The following LRP1B variants were observed in gnomAD, a reference collection of about 807,000 sequenced individuals.
LRP1B encodes the protein low-density lipoprotein receptor-related protein 1B.
LRP1B carries 217 observed loss-of-function variants against 556.6 expected under a neutral mutation model. The ratio of observed to expected loss-of-function variants is 0.39; its 90% CI spans 0.35 to 0.44. The LOEUF (loss-of-function observed/expected upper bound fraction) is 0.44, where lower values mean the gene tolerates loss of function less well. LRP1B is among the 20% of genes least tolerant of loss of function. The pLI, the probability that LRP1B is intolerant of heterozygous loss-of-function variation, is 1.00. For missense variants in LRP1B, 5,053 were observed against 5,620.8 expected, an observed-to-expected ratio of 0.90 and a Z score of 3.23; for synonymous variants, 2,047 against 1,865.8, an observed-to-expected ratio of 1.10 and a Z score of -2.50.
chr2:141,784,733 C>T (rs762396063), intron 2 of LRP1B, among the ~76,000 whole-genome samples: 3 of 151,860 alleles, frequency 2.0e-5, no homozygotes, highest in Non-Finnish European at 4.4e-5. Context: ...GCAATTTCCC[C>T]TCCCGTCTCT....
intron 1 of LRP1B, among the ~76,000 whole-genome samples, chr2:141,892,058 C>A (rs940344182): frequency 6.6e-6 from 1 of 151,770 alleles, no homozygotes; most frequent in Non-Finnish European, 1.5e-5. Flanking sequence ...ATGTGTTAAG[C>A]ATAACTATCT....
intron 49 of LRP1B, among the ~76,000 whole-genome samples, chr2:140,519,215 A>G (rs1558938767): frequency 6.6e-6 from 1 of 152,196 alleles, no homozygotes; most frequent in Non-Finnish European, 1.5e-5. Flanking sequence ...AAACTATACT[A>G]CAAGGCCACA....
intron 1 of LRP1B, among the ~76,000 whole-genome samples, chr2:141,952,105 GT>G (rs750724283): frequency 1.4e-4 from 21 of 150,872 alleles, no homozygotes; most frequent in Non-Finnish European, 2.8e-4. Context: ...GCGGTGTTTG[GT>G]TTTCTGTCCT....
chr2:140,692,666 G>C (rs1158366456), intron 41 of LRP1B, among the ~76,000 whole-genome samples: 1 of 152,022 alleles, frequency 6.6e-6, no homozygotes, highest in Non-Finnish European at 1.5e-5. Context: ...CTTCATCTCT[G>C]TAATGGTATG....
intron 1 of LRP1B, among the ~76,000 whole-genome samples, chr2:142,061,767 C>T (rs1325445166): frequency 2.0e-5 from 3 of 151,956 alleles, no homozygotes; most frequent in African/African-American, 7.2e-5. Context: ...GACTTCAGAA[C>T]ATAAAAACTT....
intron 3 of LRP1B, among the ~76,000 whole-genome samples, chr2:141,338,361 T>A (rs544129982): frequency 1.4e-4 from 22 of 152,144 alleles, no homozygotes; most frequent in Non-Finnish European, 2.5e-4. Flanking sequence ...GGAGTACCCT[T>A]TCCCGCTTCT....
At chr2:140,958,231 T>A (rs975215064) in intron 18 of LRP1B, among the ~76,000 whole-genome samples, 12 of 151,644 alleles carry the variant, frequency 7.9e-5, no homozygotes, top group South Asian at 2.1e-4. Flanking sequence ...TAGATATTTT[T>A]AAAAAATCTA....
In LRP1B at chr2:141,364,342, A is replaced by G. The variant is rs150251800; in HGVS notation, c.344-109701T>C. ...GATTAAATCACATACACAGTGGAATAATTAAATCACGCACACACACGTAGT... is the reference window on the plus strand; with the variant it reads ...GATTAAATCACATACACAGTGGAATGATTAAATCACGCACACACACGTAGT... On this transcript the variant is annotated intron_variant, in intron 3 of 90. Coordinates refer to ENST00000389484, the MANE Select transcript of LRP1B (RefSeq NM_018557.3). Among the ~76,000 whole-genome samples the G allele has an allele frequency of 4.4e-3, 670 of 151,626 alleles. 7 individuals are homozygous for G. Among genetic ancestry groups the G allele is most frequent in the African/African-American group, 0.016 (649 of 41,240 alleles).
Position 141,049,091 on chromosome 2 carries a change from C to T in LRP1B, c.1684G>A (p.Asp562Asn), listed in dbSNP as rs1698962938. ...ATGTAATTGGTTTCTGCGTGAAAGTCTAAAGCACGAGGGTTTACCAGATTT... is the reference window on the plus strand; with the variant it reads ...ATGTAATTGGTTTCTGCGTGAAAGTTTAAAGCACGAGGGTTTACCAGATTT... Reference protein sequence around the residue: ...IENLVNPRALDFHAETNYIYF... With the variant: ...IENLVNPRALNFHAETNYIYF... The change falls in exon 11 of 91, where the codon GAC (aspartate) becomes AAC (asparagine). Residue 562 changes from aspartate (D) to asparagine (N), a missense_variant. Transcript: ENST00000389484. The T allele has an allele frequency of 6.2e-7, 1 of 1,613,622 alleles. No individual in the cohort carries two copies.
At chr2:140,876,513 G>C (rs1385157547) in intron 25 of LRP1B, among the ~76,000 whole-genome samples, 5 of 152,176 alleles carry the variant, frequency 3.3e-5, no homozygotes, top group Non-Finnish European at 5.9e-5. Context: ...TAAGGAATCA[G>C]ACTTGACTTA....
At chr2:140,517,430 A>T (rs1173270850) in intron 49 of LRP1B, among the ~76,000 whole-genome samples, 2 of 152,144 alleles carry the variant, frequency 1.3e-5, no homozygotes, top group African/African-American at 2.4e-5. Context: ...AATAAAATTA[A>T]TACATTGGTG....
chr2:141,206,304 G>A (rs1027206652), intron 6 of LRP1B, among the ~76,000 whole-genome samples: 6 of 151,988 alleles, frequency 3.9e-5, no homozygotes, highest in African/African-American at 9.7e-5. Flanking sequence ...ACGAATTGCC[G>A]GGCGCGGTGG....
chr2:141,822,092 T>TACACACACAC (rs149899299), intron 1 of LRP1B, among the ~76,000 whole-genome samples: 136 of 112,420 alleles, frequency 1.2e-3, no homozygotes, highest in African/African-American at 4.2e-3. Context: ...AAAAAATACA[T>TACACACACAC]ACACACACAC....
intron 52 of LRP1B, among the ~76,000 whole-genome samples, chr2:140,508,572 T>A (rs138434115): frequency 6.6e-6 from 1 of 152,182 alleles, no homozygotes; most frequent in Non-Finnish European, 1.5e-5. Context: ...AGAAGTAGCA[T>A]GAACAATTGC....
At chr2:141,341,966 C>G (rs912771085) in intron 3 of LRP1B, among the ~76,000 whole-genome samples, 5 of 151,936 alleles carry the variant, frequency 3.3e-5, no homozygotes, top group Non-Finnish European at 7.4e-5. Flanking sequence ...CCCAGGCGGC[C>G]GGGCGCAGTA....
chr2:141,804,224 T>C (rs1696099786), intron 2 of LRP1B, among the ~76,000 whole-genome samples: 1 of 152,024 alleles, frequency 6.6e-6, no homozygotes, highest in Admixed American at 6.6e-5. Context: ...GGAGGGCAAA[T>C]TCAAAGAAAT....
intron 3 of LRP1B, among the ~76,000 whole-genome samples, chr2:141,306,661 G>C (rs1686600445): frequency 6.6e-6 from 1 of 151,370 alleles, no homozygotes; most frequent in Non-Finnish European, 1.5e-5. Context: ...TCTAATTTTG[G>C]GTTTGGCTTG....
chr2:140,281,555 C>T (rs1310362432), intron 84 of LRP1B, among the ~76,000 whole-genome samples: 1 of 151,764 alleles, frequency 6.6e-6, no homozygotes, highest in African/African-American at 2.4e-5. Context: ...AATATTATTG[C>T]ATTTTATGAA....
At chr2:141,971,303 G>T (rs1701725767) in intron 1 of LRP1B, among the ~76,000 whole-genome samples, 1 of 151,308 alleles carries the variant, frequency 6.6e-6, no homozygotes, top group South Asian at 2.1e-4. Flanking sequence ...CTTGAAAAAA[G>T]TATCCCCTAA....
Sources: allele counts gnomAD v4.1 joint callset (sites outside exome capture counted in the v4.1 genomes callset), GRCh38; gene constraint gnomAD v4.1.1; transcripts MANE v1.5; gene names NCBI Gene and HGNC (gene_info 2026-07-23, HGNC 2026-07-21).